VPS13B: variants seen among roughly 807,000 people sequenced by gnomAD.
VPS13B encodes the protein vacuolar protein sorting 13 homolog B, also known as intermembrane lipid transfer protein VPS13B.
Under a neutral mutation model 426.4 loss-of-function variants are expected in VPS13B, and 285 were observed. The observed-to-expected ratio is 0.67, with a 90% CI of 0.61 to 0.74. The LOEUF is 0.74. VPS13B is among the 30% of genes least tolerant of loss of function. VPS13B has a pLI of 0.00. For missense variants in VPS13B, 4,537 were observed against 4,782.6 expected, an observed-to-expected ratio of 0.95 and a Z score of 1.51; for synonymous variants, 1,676 against 1,676.4, an observed-to-expected ratio of 1.00 and a Z score of 0.01.
rs1841611964 is a variant in VPS13B, at chr8:99,016,346, A to G, written c.147+2411A>G. 1.3e-5 allele frequency among the ~76,000 whole-genome samples: 2 copies of G among 152,178 alleles called. 1 individual carries two copies. The highest frequency in any genetic ancestry group is 4.1e-4 in the South Asian group (2 of 4,832). On this transcript the variant is annotated intron_variant, in intron 2 of 61. Coordinates refer to ENST00000357162, the MANE Select transcript of VPS13B (RefSeq NM_152564.5). ...ATTCCAGTCTTACCAACAACTTATA[A>G]GCATTCCAGGTATTTCACATTTTTG... is the stretch of plus-strand genomic sequence containing the variant.
At chr8:99,631,981 G>T (rs1474759600) in intron 33 of VPS13B, among the ~76,000 whole-genome samples, 1 of 151,836 alleles carries the variant, frequency 6.6e-6, no homozygotes, top group African/African-American at 2.4e-5. Context: ...CTAAAGCCCA[G>T]CAGCACAATA....
At chr8:99,482,130 A>G (rs1311368337) in intron 25 of VPS13B, among the ~76,000 whole-genome samples, 3 of 151,876 alleles carry the variant, frequency 2.0e-5, no homozygotes, top group Admixed American at 6.6e-5. Flanking sequence ...CCCTTTCCCT[A>G]CCTCTGTTCC....
intron 24 of VPS13B, among the ~76,000 whole-genome samples, chr8:99,474,903 C>A (rs752285512): frequency 1.3e-5 from 2 of 152,086 alleles, no homozygotes; most frequent in East Asian, 3.9e-4. Flanking sequence ...ATGTATATAG[C>A]AGCTTTATTT....
At chr8:99,463,319 G>A (rs537075461) in intron 23 of VPS13B, among the ~76,000 whole-genome samples, 3 of 152,188 alleles carry the variant, frequency 2.0e-5, no homozygotes, top group Admixed American at 6.5e-5. Flanking sequence ...AACAAGTCAC[G>A]ATTAATCCAG....
At chr8:99,107,307 G>T (rs1264125204) in intron 5 of VPS13B, among the ~76,000 whole-genome samples, 1 of 151,896 alleles carries the variant, frequency 6.6e-6, no homozygotes, top group Admixed American at 6.6e-5. Flanking sequence ...AATAAGAAAA[G>T]AATAGACAAC....
At chr8:99,337,128 G>A (rs1200688383) in intron 19 of VPS13B, among the ~76,000 whole-genome samples, 2 of 152,056 alleles carry the variant, frequency 1.3e-5, no homozygotes, top group East Asian at 1.9e-4. Flanking sequence ...GTCCAACAAC[G>A]ATAGACTGGA....
At chr8:99,269,075 G>A (rs1182977276) in intron 17 of VPS13B, among the ~76,000 whole-genome samples, 1 of 152,080 alleles carries the variant, frequency 6.6e-6, no homozygotes, top group African/African-American at 2.4e-5. Context: ...ATGATTGTAA[G>A]TTTCCTGAGC....
At chr8:99,027,142 G>C (rs1452666799) in intron 2 of VPS13B, among the ~76,000 whole-genome samples, 1 of 152,148 alleles carries the variant, frequency 6.6e-6, no homozygotes, top group African/African-American at 2.4e-5. Context: ...CTCCCAAAAT[G>C]CTGGGAGTAC....
intron 6 of VPS13B, among the ~76,000 whole-genome samples, chr8:99,112,716 A>G (rs952390805): frequency 1.3e-5 from 2 of 152,212 alleles, no homozygotes; most frequent in African/African-American, 4.8e-5. Flanking sequence ...GAAAGCAAGT[A>G]ATGGATATAT....
At chr8:99,564,653 G>C (rs967307412) in intron 31 of VPS13B, among the ~76,000 whole-genome samples, 2 of 152,130 alleles carry the variant, frequency 1.3e-5, no homozygotes, top group African/African-American at 4.8e-5. Context: ...AAAGAATATT[G>C]GCTATTATTT....
Position 99,640,046 on chromosome 8 carries a change from GAAGAGAAAAGAA to G in VPS13B, c.5221-1760_5221-1749del, listed in dbSNP as rs1253063133. ...ATAATAAGAAGAAGAAGAAGAAGAA[GAAGAGAAAAGAA>G]AAGAAAAGAAAAGAAAAGAAAAGAA... On this transcript the variant is annotated intron_variant, in intron 33 of 61. Coordinates refer to ENST00000357162, the MANE Select transcript of VPS13B (RefSeq NM_152564.5). Among the ~76,000 whole-genome samples the G allele has an allele frequency of 1.6e-3, 114 of 72,780 alleles. 1 individual carries two copies. Among genetic ancestry groups the G allele is most frequent in the African/African-American group, 6.6e-3 (113 of 17,014 alleles). 47.7% of individuals were successfully genotyped at this position (72,780 alleles called of 152,430 possible). A position where few individuals can be genotyped will look rare whatever the true frequency, so the allele number is the denominator to read the frequency against.
intron 16 of VPS13B, among the ~76,000 whole-genome samples, chr8:99,187,318 T>C (rs1240211177): frequency 6.6e-6 from 1 of 151,702 alleles, no homozygotes; most frequent in Non-Finnish European, 1.5e-5. Context: ...AAAAGGAAAA[T>C]GAGAAAGAAA....
chr8:99,340,320 G>T, intron 19 of VPS13B: 1 of 308,292 alleles, frequency 3.2e-6, no homozygotes, highest in South Asian at 3.2e-5. Context: ...AAATTGCCGG[G>T]GGTTTCTAGG....
At chr8:99,827,199 C>G (rs1225760544) in intron 51 of VPS13B, among the ~76,000 whole-genome samples, 2 of 152,020 alleles carry the variant, frequency 1.3e-5, no homozygotes, top group African/African-American at 2.4e-5. Context: ...CTGTCTGGTC[C>G]TGCGCATTTT....
chr8:99,419,560 G>C (rs1354839347), intron 21 of VPS13B, among the ~76,000 whole-genome samples: 2 of 151,930 alleles, frequency 1.3e-5, no homozygotes, highest in Non-Finnish European at 2.9e-5. Flanking sequence ...TTATCTTTTA[G>C]GTAATTGAAC....
At chr8:99,707,111 G>A (rs1174963928) in intron 36 of VPS13B, among the ~76,000 whole-genome samples, 1 of 152,110 alleles carries the variant, frequency 6.6e-6, no homozygotes, top group Non-Finnish European at 1.5e-5. Context: ...GAAAAAGCAT[G>A]TATTTACAAC....
intron 42 of VPS13B, among the ~76,000 whole-genome samples, chr8:99,783,109 C>T (rs1812096937): frequency 6.6e-6 from 1 of 152,140 alleles, no homozygotes; most frequent in East Asian, 1.9e-4. Context: ...CAAGATGAGT[C>T]TGTACCCTAA....
In VPS13B at chr8:99,699,729, A is replaced by C. The variant is rs776488544; in HGVS notation, c.6251A>C (p.Lys2084Thr). 4 of 1,614,142 alleles carry C rather than the reference A, an allele frequency of 2.5e-6. No homozygotes were observed. The highest frequency in any genetic ancestry group is 3.4e-6 in the Non-Finnish European group (4 of 1,180,012). Residue 2084 changes from lysine (K) to threonine (T), a missense_variant, in exon 36 of 62, where the codon AAA becomes ACA. Lys to Thr is a moderately conservative substitution (Grantham distance 78, BLOSUM62 -1). Around this residue, in one of 2 missense-constraint regions of VPS13B, gnomAD observed 4,311 missense variants for 4,474.3 expected, o/e 0.96. Coordinates refer to ENST00000357162, the MANE Select transcript of VPS13B (RefSeq NM_152564.5). ...TACCGTGGAAAGTTGTCTAAACCCA[A>C]AATTCATGGTGATGGAGTGCAAAAG... ...KYYRGKLSKP[K>T]IHGDGVQKIS...
chr8:99,069,302 C>T (rs1587993430), intron 3 of VPS13B, among the ~76,000 whole-genome samples: 1 of 152,120 alleles, frequency 6.6e-6, no homozygotes, highest in Admixed American at 6.5e-5. Context: ...GACTTGGTGG[C>T]ACAAGCCTTT....
Sources: gnomAD v4.1 joint callset for allele counts (sites outside exome capture counted in the v4.1 genomes callset) on GRCh38, gnomAD v4.1.1 for gene constraint, gnomAD v4.1.1 regional missense constraint, MANE v1.5 for transcripts, NCBI Gene and HGNC (gene_info 2026-07-23, HGNC 2026-07-21) for gene names.